Variants in TBC1D9B observed in about 807,000 individuals in gnomAD.
TBC1D9B encodes the protein TBC1 domain family member 9B.
In TBC1D9B, 87 loss-of-function variants were observed where a neutral mutation model predicts 121.1. That is an observed-to-expected ratio of 0.72 (90% CI 0.60 to 0.86). The LOEUF (loss-of-function observed/expected upper bound fraction) is 0.86, where lower values mean the gene tolerates loss of function less well. TBC1D9B is among the 40% of genes least tolerant of loss of function. The pLI is 0.00. For missense variants in TBC1D9B, 1,540 were observed against 1,628.6 expected, an observed-to-expected ratio of 0.95 and a Z score of 0.94; for synonymous variants, 668 against 670.1, an observed-to-expected ratio of 1.00 and a Z score of 0.05.
At position 179,888,008 on chromosome 5, in the gene TBC1D9B, G is replaced by A. The variant is rs561084799; in HGVS notation, c.1254+95C>T. On this transcript the variant is annotated intron_variant, in intron 7 of 20. Transcript: ENST00000355235. ...CACCCCTAGGCGGAGGCCCACAGCC[G>A]GAACCATGGGGTCAGGCTCCAGCGG... The A allele has an allele frequency of 1.2e-4, 187 of 1,504,370 alleles. No individual in the cohort carries two copies. In the East Asian group the frequency reaches 1.9e-3, roughly 15 times the overall value. 93.2% of individuals were successfully genotyped at this position (1,504,370 alleles called of 1,614,324 possible). A position where few individuals can be genotyped will look rare whatever the true frequency, so the allele number is the denominator to read the frequency against.
intron 7 of TBC1D9B, 21 bp from the exon 8 acceptor site, chr5:179,879,810 G>T: frequency 6.3e-7 from 1 of 1,594,438 alleles, no homozygotes; most frequent in African/African-American, 1.3e-5. Flanking sequence ...AAACAGGGAA[G>T]GGGACGCCCT....
In TBC1D9B at chr5:179,893,368, A is replaced by T. The variant is rs1435421915; in HGVS notation, c.677T>A (p.Leu226His). ...GATGTTGAGGAACATGGAGAAGAAGAGCTCCTGGTCGCGGGTGTCCACACG... is the reference window on the plus strand; with the variant it reads ...GATGTTGAGGAACATGGAGAAGAAGTGCTCCTGGTCGCGGGTGTCCACACG... ...SIRVDTRDQELFFSMFLNIGE... is the reference protein window; with the variant it reads ...SIRVDTRDQEHFFSMFLNIGE... Residue 226 changes from leucine (L) to histidine (H), a missense_variant, in exon 5 of 21, where the codon CTC becomes CAC. Physicochemically the swap from Leu to His is moderately conservative, Grantham distance 99. Coordinates refer to ENST00000355235, the MANE Select transcript of TBC1D9B (RefSeq NM_015043.4). 1 of 1,614,044 alleles carries T rather than the reference A, an allele frequency of 6.2e-7. No individual in the cohort carries two copies. Among genetic ancestry groups the T allele is most frequent in the Admixed American group, 1.7e-5 (1 of 60,018 alleles).
Position 179,890,872 on chromosome 5 carries a change from A to G in TBC1D9B, c.1044+507T>C, listed in dbSNP as rs560313235. Among the ~76,000 whole-genome samples, 28 of 152,316 alleles carry G rather than the reference A, an allele frequency of 1.8e-4. No homozygotes were observed. The highest frequency in any genetic ancestry group is 5.5e-4 in the African/African-American group (23 of 41,584). Reference sequence around the variant, plus strand: ...CCCAAGAAGGAGCAAGTGAGAGCCAATGCAGCCTCACAGGGGAGAGCCGAC... The same window carrying G: ...CCCAAGAAGGAGCAAGTGAGAGCCAGTGCAGCCTCACAGGGGAGAGCCGAC... On this transcript the variant is annotated intron_variant, in intron 6 of 20. Transcript: ENST00000355235. The surrounding 1 kb of genome is among the most constrained non-coding windows in gnomAD (Gnocchi z 5.0).
Position 179,878,341 on chromosome 5 carries a change from C to T in TBC1D9B, c.1750G>A (p.Ala584Thr). The T allele has an allele frequency of 6.2e-7, 1 of 1,613,752 alleles. No homozygotes were observed. The highest frequency in any genetic ancestry group is 8.5e-7 in the Non-Finnish European group (1 of 1,179,950). The change falls in exon 10 of 21, where the codon GCC becomes ACC. Residue 584 changes from alanine (A) to threonine (T), a missense_variant. Coordinates refer to ENST00000355235, the MANE Select transcript of TBC1D9B (RefSeq NM_015043.4). ...TAGCCGATGGTGGGGTTTCGGAAGG[C>T]ATAGGCAGTCAGCACCCGCCGGAGG... ...AALRRVLTAY[A>T]FRNPTIGYCQ...
chr5:179,899,120 A>G, intron 3 of TBC1D9B, 69 bp downstream of exon 3: 4 of 1,306,990 alleles, frequency 3.1e-6, no homozygotes, highest in Non-Finnish European at 4.4e-6. Context: ...TGAAGATGAA[A>G]TAGGATAATA....
At position 179,899,228 on chromosome 5, in the gene TBC1D9B, A is replaced by T; in HGVS notation, c.309T>A (p.Ser103Arg). 6.2e-7 allele frequency: 1 copy of T among 1,613,514 alleles called. No homozygotes were observed. Among genetic ancestry groups the T allele is most frequent in the Non-Finnish European group, 8.5e-7 (1 of 1,179,872 alleles). The change falls in exon 3 of 21, where the codon AGT (serine) becomes AGA (arginine). Residue 103 changes from serine to arginine, a missense_variant. Transcript: ENST00000355235. ...TGACGAAGGTGGTGATATCTTCCTCACTGTCGAAGATGGACAGTGTCTGGA... is the reference window on the plus strand; with the variant it reads ...TGACGAAGGTGGTGATATCTTCCTCTCTGTCGAAGATGGACAGTGTCTGGA... Reference protein sequence around the residue: ...NLLQTLSIFDSEEDITTFVKG... With the variant: ...NLLQTLSIFDREEDITTFVKG...
intron 14 of TBC1D9B, 156 bp downstream of exon 14, chr5:179,872,736 C>T (rs1408507788): frequency 5.9e-6 from 4 of 680,756 alleles, no homozygotes; most frequent in African/African-American, 5.4e-5. Flanking sequence ...CCCACCTACA[C>T]CCCTGGATCC....
chr5:179,901,039 T>C (rs1761152271), intron 2 of TBC1D9B, among the ~76,000 whole-genome samples: 1 of 152,080 alleles, frequency 6.6e-6, no homozygotes, highest in Admixed American at 6.5e-5. Context: ...TGGGACTGAT[T>C]TGTTTGCTTT....
At chr5:179,892,300 C>T (rs1291298488) in intron 5 of TBC1D9B, among the ~76,000 whole-genome samples, 1 of 152,290 alleles carries the variant, frequency 6.6e-6, no homozygotes, top group African/African-American at 2.4e-5. Flanking sequence ...CAACCTGTCA[C>T]TTGCATCCCA....
Position 179,872,880 on chromosome 5 carries a change from T to A in TBC1D9B, c.2415+12A>T, listed in dbSNP as rs561420707. On this transcript the variant is annotated intron_variant, in intron 14 of 20. Coordinates refer to ENST00000355235, the MANE Select transcript of TBC1D9B (RefSeq NM_015043.4). ...CAGCCCAGCCCCTGCCCAGCCCTGC[T>A]GGCACCCATACCACACTCCTCTTGG... 9.3e-5 allele frequency: 131 copies of A among 1,409,466 alleles called. No individual in the cohort carries two copies. The South Asian group carries it at 1.3e-3, about 15-fold the overall frequency. 87.3% of individuals were successfully genotyped at this position (1,409,466 alleles called of 1,614,324 possible). A position where few individuals can be genotyped will look rare whatever the true frequency, so the allele number is the denominator to read the frequency against.
chr5:179,891,012 G>T lies in TBC1D9B; in HGVS notation c.1044+367C>A, dbSNP rs971715131. ...CCTCTGAGAGTGACATATGGGACCG[G>T]TGCAGGAACACGGTCCTCTAAGCGC... On this transcript the variant is annotated intron_variant, in intron 6 of 20. Coordinates refer to ENST00000355235, the MANE Select transcript of TBC1D9B (RefSeq NM_015043.4). This position sits in a 1 kb window ranked among gnomAD's most constrained non-coding sequence, Gnocchi z 4.3. Among the ~76,000 whole-genome samples, 1 of 152,236 alleles carries T rather than the reference G, an allele frequency of 6.6e-6. No homozygotes were observed. The highest frequency in any genetic ancestry group is 6.5e-5 in the Admixed American group (1 of 15,290).
chr5:179,873,785 C>T (rs1035281679), intron 12 of TBC1D9B, among the ~76,000 whole-genome samples: 1 of 152,156 alleles, frequency 6.6e-6, no homozygotes, highest in African/African-American at 2.4e-5. Context: ...TCTCTGGGTC[C>T]CTGGGCTGAG....
chr5:179,878,292 CCT>C lies in TBC1D9B; in HGVS notation c.1782+15_1782+16del, dbSNP rs773752131. On this transcript the variant is annotated intron_variant, in intron 10 of 20. Transcript: ENST00000355235. ...TGGTGGCAGATGCTGTCTCTGGGCCCCTGTCAGGCCCCTTACCTGGCAGTAGC... is the reference window on the plus strand; with the variant it reads ...TGGTGGCAGATGCTGTCTCTGGGCCCGTCAGGCCCCTTACCTGGCAGTAGC... 2.7e-4 allele frequency: 426 copies of C among 1,603,662 alleles called. No individual in the cohort carries two copies. The highest frequency in any genetic ancestry group is 1.4e-3 in the Admixed American group (83 of 58,596).
intron 3 of TBC1D9B, among the ~76,000 whole-genome samples, chr5:179,897,588 G>T (rs1761056800): frequency 6.6e-6 from 1 of 152,176 alleles, no homozygotes; most frequent in Admixed American, 6.5e-5. Flanking sequence ...GCCTCCCAGA[G>T]TGCTGGGATT....
At chr5:179,881,178 C>A (rs1760532358) in intron 7 of TBC1D9B, among the ~76,000 whole-genome samples, 1 of 152,220 alleles carries the variant, frequency 6.6e-6, no homozygotes, top group South Asian at 2.1e-4. Flanking sequence ...TGGCTCAAGT[C>A]CCACCTTACA....
intron 14 of TBC1D9B, chr5:179,872,620 G>A (rs1183147298): frequency 4.3e-6 from 2 of 469,200 alleles, no homozygotes; most frequent in East Asian, 3.8e-5. Context: ...GGGCGGGCTC[G>A]GCCCAGAGGG....
Position 179,865,827 on chromosome 5 carries a change from A to C in TBC1D9B, c.2914+11T>G, listed in dbSNP as rs770707009. 2.5e-6 allele frequency: 4 copies of C among 1,593,940 alleles called. No homozygotes were observed. The East Asian group carries it at 8.9e-5, about 36-fold the overall frequency. ...GGGTCTCTAAGAACAGCGGCAGAGAATGGCCTGTACCTCCTCTCTCCTCAC... is the reference window on the plus strand; with the variant it reads ...GGGTCTCTAAGAACAGCGGCAGAGACTGGCCTGTACCTCCTCTCTCCTCAC... On this transcript the variant is annotated intron_variant, in intron 19 of 20. Transcript: ENST00000355235. The surrounding 1 kb of genome is among the most constrained non-coding windows in gnomAD (Gnocchi z 5.1).
chr5:179,899,219 A>G lies in TBC1D9B; in HGVS notation c.318T>C (p.Asp106=). 6.2e-7 allele frequency: 1 copy of G among 1,613,944 alleles called. No individual in the cohort carries two copies. Among genetic ancestry groups the G allele is most frequent in the Non-Finnish European group, 8.5e-7 (1 of 1,179,954 alleles). ...QTLSIFDSEE[D]ITTFVKGKIH... ...TCTTGCCCTTGACGAAGGTGGTGATATCTTCCTCACTGTCGAAGATGGACA... is the reference window on the plus strand; with the variant it reads ...TCTTGCCCTTGACGAAGGTGGTGATGTCTTCCTCACTGTCGAAGATGGACA... The change falls in exon 3 of 21, where the codon GAT becomes GAC. Residue 106 remains aspartate, a synonymous_variant. Transcript: ENST00000355235.
intron 14 of TBC1D9B, 26 bp from the exon 15 acceptor site, chr5:179,871,556 A>G (rs1259362974): frequency 6.2e-7 from 1 of 1,609,552 alleles, no homozygotes; most frequent in Non-Finnish European, 8.5e-7. Flanking sequence ...AACAGGGTAT[A>G]TAGCTGGATC....
Sources: allele counts gnomAD v4.1 joint callset (sites outside exome capture counted in the v4.1 genomes callset), GRCh38; gene constraint gnomAD v4.1.1; non-coding constraint Gnocchi (gnomAD v3.1); transcripts MANE v1.5; gene names NCBI Gene and HGNC (gene_info 2026-07-23, HGNC 2026-07-21).